Variants in FGGY observed in about 807,000 individuals in gnomAD.
The protein encoded by FGGY is FGGY carbohydrate kinase domain containing.
In FGGY, 72 loss-of-function variants were observed where a neutral mutation model predicts 71.3. The ratio of observed to expected loss-of-function variants is 1.01; its 90% CI spans 0.84 to 1.23. The LOEUF (loss-of-function observed/expected upper bound fraction) is 1.23, where lower values mean the gene tolerates loss of function less well. Ranked by LOEUF, FGGY falls within the 50% of genes most tolerant of loss-of-function variation. The pLI, the probability that FGGY is intolerant of heterozygous loss-of-function variation, is 0.00. For synonymous variants in FGGY, 251 were observed against 250.3 expected (o/e 1.00, Z -0.02); for missense variants, 668 against 682.3 (o/e 0.98, Z 0.23).
chr1:59,600,560 A>G lies in FGGY; in HGVS notation c.904-7243A>G, dbSNP rs1482371707. 6.6e-5 allele frequency among the ~76,000 whole-genome samples: 10 copies of G among 152,344 alleles called. No homozygotes were observed. In the East Asian group the frequency reaches 1.9e-3, roughly 29 times the overall value. ...CAAAGAGACGAAGCTAATAATGAGTAGAGGCTGGACCTGCACCCAGCTCTT... is the reference window on the plus strand; with the variant it reads ...CAAAGAGACGAAGCTAATAATGAGTGGAGGCTGGACCTGCACCCAGCTCTT... On this transcript the variant is annotated intron_variant, in intron 8 of 15. Coordinates refer to ENST00000303721, the MANE Select transcript of FGGY (RefSeq NM_018291.5).
chr1:59,682,982 G>A (rs187021890), intron 14 of FGGY, among the ~76,000 whole-genome samples: 1 of 152,156 alleles, frequency 6.6e-6, no homozygotes, highest in Admixed American at 6.6e-5. Flanking sequence ...TACATCCTGG[G>A]GCCAACTCCT....
At chr1:59,546,111 G>T (rs913691425) in intron 7 of FGGY, among the ~76,000 whole-genome samples, 21 of 152,188 alleles carry the variant, frequency 1.4e-4, no homozygotes, top group Non-Finnish European at 1.5e-5. Context: ...ATTGGAAGTT[G>T]TTGGTAGTAA....
At chr1:59,642,461 C>CT in intron 11 of FGGY, among the ~76,000 whole-genome samples, 1 of 151,592 alleles carries the variant, frequency 6.6e-6, no homozygotes, top group East Asian at 2.0e-4. Context: ...CCCGTTTCTA[C>CT]TAAAAATACA....
At chr1:59,422,475 G>T (rs543231245) in intron 5 of FGGY, among the ~76,000 whole-genome samples, 1 of 152,152 alleles carries the variant, frequency 6.6e-6, no homozygotes, top group Non-Finnish European at 1.5e-5. Context: ...TGGGTGGATT[G>T]CTTGAGCCCA....
intron 4 of FGGY, among the ~76,000 whole-genome samples, chr1:59,363,924 C>G (rs567521149): frequency 1.3e-5 from 2 of 152,272 alleles, no homozygotes; most frequent in African/African-American, 4.8e-5. Flanking sequence ...TTTGTCCATG[C>G]CCAGCGGGAA....
rs1176881725 is a variant in FGGY, at chr1:59,619,040, G to A, written c.1012-6948G>A. ...CAACTTCCTAATTGGCTTCTTGCCT[G>A]TAATCTTTCCCCCTCTAATCCCTTT... On this transcript the variant is annotated intron_variant, in intron 9 of 15. Coordinates refer to ENST00000303721, the MANE Select transcript of FGGY (RefSeq NM_018291.5). Among the ~76,000 whole-genome samples the A allele has an allele frequency of 2.6e-5, 4 of 152,078 alleles. No homozygotes were observed. The South Asian group carries it at 6.2e-4, about 24-fold the overall frequency.
chr1:59,315,096 C>A (rs1334037922), intron 1 of FGGY, among the ~76,000 whole-genome samples: 1 of 152,106 alleles, frequency 6.6e-6, no homozygotes, highest in Admixed American at 6.6e-5. Flanking sequence ...GAGTGGCTGA[C>A]CCTCAGAGTA....
chr1:59,701,185 A>G (rs1228253282), intron 14 of FGGY, among the ~76,000 whole-genome samples: 1 of 152,184 alleles, frequency 6.6e-6, no homozygotes, highest in Non-Finnish European at 1.5e-5. Context: ...AGTATCTTCC[A>G]TATATACCCA....
intron 14 of FGGY, among the ~76,000 whole-genome samples, chr1:59,735,924 C>T (rs903270121): frequency 5.3e-5 from 8 of 152,166 alleles, no homozygotes; most frequent in African/African-American, 1.9e-4. Context: ...GACCTTACAC[C>T]CTGATATGGT....
chr1:59,739,368 A>G (rs2098129500), intron 14 of FGGY, among the ~76,000 whole-genome samples: 1 of 152,154 alleles, frequency 6.6e-6, no homozygotes, highest in South Asian at 2.1e-4. Context: ...CAGGCTACCA[A>G]ACACAGCCTC....
chr1:59,348,911 CA>C (rs2052677462), intron 4 of FGGY, among the ~76,000 whole-genome samples: 1 of 152,086 alleles, frequency 6.6e-6, no homozygotes, highest in African/African-American at 2.4e-5. Flanking sequence ...ATGCTTTGGT[CA>C]AAGCACTTCT....
chr1:59,639,241 G>A (rs2153891218), intron 11 of FGGY, among the ~76,000 whole-genome samples: 1 of 152,340 alleles, frequency 6.6e-6, no homozygotes, highest in South Asian at 2.1e-4. Flanking sequence ...ATGGAGTCAA[G>A]AATTCAAGAC....
intron 8 of FGGY, among the ~76,000 whole-genome samples, chr1:59,559,946 C>T (rs572616236): frequency 1.3e-5 from 2 of 152,254 alleles, no homozygotes; most frequent in East Asian, 3.9e-4. Flanking sequence ...TATAAATGTT[C>T]CACCATCAAG....
intron 6 of FGGY, among the ~76,000 whole-genome samples, chr1:59,465,745 C>A (rs767353036): frequency 3.5e-4 from 54 of 152,148 alleles, no homozygotes; most frequent in Non-Finnish European, 7.5e-4. Context: ...TGTATGAATT[C>A]CCATTCACAA....
chr1:59,550,058 T>C (rs2095584527), intron 7 of FGGY, among the ~76,000 whole-genome samples: 1 of 152,208 alleles, frequency 6.6e-6, no homozygotes, highest in Non-Finnish European at 1.5e-5. Flanking sequence ...CAGTTGGGCA[T>C]TGTGCAAGTT....
intron 14 of FGGY, chr1:59,755,558 G>C (rs2098282816): frequency 6.6e-6 from 1 of 152,322 alleles, no homozygotes; most frequent in Non-Finnish European, 1.5e-5. Context: ...CCTGAGCTAA[G>C]TTTAACATTT....
chr1:59,457,714 C>T (rs12403105), intron 6 of FGGY, among the ~76,000 whole-genome samples: 7,240 of 152,138 alleles, frequency 0.048, 236 homozygotes, highest in Middle Eastern at 0.13. Flanking sequence ...TGCTTCCAGT[C>T]AGTACTACGA....
intron 5 of FGGY, among the ~76,000 whole-genome samples, chr1:59,424,799 A>AG (rs1460708337): frequency 6.6e-6 from 1 of 152,152 alleles, no homozygotes; most frequent in Non-Finnish European, 1.5e-5. Flanking sequence ...AGTGCTGTTT[A>AG]GGGTCAAAGG....
intron 8 of FGGY, among the ~76,000 whole-genome samples, chr1:59,600,984 T>C (rs1327217464): frequency 1.5e-5 from 2 of 131,700 alleles, no homozygotes; most frequent in East Asian, 2.7e-4. Flanking sequence ...TCTCTATGCT[T>C]TTTTTTTTTT....
Sources: allele counts gnomAD v4.1 joint callset (sites outside exome capture counted in the v4.1 genomes callset), GRCh38; gene constraint gnomAD v4.1.1; transcripts MANE v1.5; gene names NCBI Gene and HGNC (gene_info 2026-07-23, HGNC 2026-07-21).